Variants in SNTG1 observed in about 807,000 individuals in gnomAD.
The protein encoded by SNTG1 is gamma-1-syntrophin.
A neutral mutation model predicts 74.7 loss-of-function variants in SNTG1; 39 were observed. The observed-to-expected ratio is 0.52, with a 90% CI of 0.40 to 0.68. The LOEUF (loss-of-function observed/expected upper bound fraction) is 0.68, where lower values mean the gene tolerates loss of function less well. SNTG1 is among the 30% of genes least tolerant of loss of function. The pLI is 0.00. For synonymous variants in SNTG1, 254 were observed against 217.1 expected, an observed-to-expected ratio of 1.17 and a Z score of -1.49; for missense variants, 685 against 609.5, an observed-to-expected ratio of 1.12 and a Z score of -1.30.
chr8:50,315,825 C>T (rs1219423231), intron 2 of SNTG1, among the ~76,000 whole-genome samples: 1 of 152,132 alleles, frequency 6.6e-6, no homozygotes, highest in Non-Finnish European at 1.5e-5. Flanking sequence ...GCACTGCAAT[C>T]AAGCACAATT....
At position 50,677,413 on chromosome 8, in the gene SNTG1, C is replaced by T. The variant is rs527428171; in HGVS notation, c.1038+18750C>T. ...ATGGACACCCATAACATAACATATC[C>T]TTAATGTAAGAAAAAAGCTAGAAAA... On this transcript the variant is annotated intron_variant, in intron 15 of 18. Coordinates refer to ENST00000642720, the MANE Select transcript of SNTG1 (RefSeq NM_018967.5). 1.4e-3 allele frequency among the ~76,000 whole-genome samples: 207 copies of T among 151,850 alleles called. 1 individual carries two copies. The highest frequency in any genetic ancestry group is 0.014 in the Middle Eastern group (4 of 294).
intron 18 of SNTG1, among the ~76,000 whole-genome samples, chr8:50,765,616 T>C (rs1023221294): frequency 3.3e-5 from 5 of 151,992 alleles, no homozygotes; most frequent in Non-Finnish European, 7.4e-5. Flanking sequence ...TAGTACTATG[T>C]TTATTTTTAA....
At position 50,089,312 on chromosome 8, in the gene SNTG1, A is replaced by T. The variant is rs1440960195; in HGVS notation, c.-102-83249A>T. Among the ~76,000 whole-genome samples, 101 of 151,756 alleles carry T rather than the reference A, an allele frequency of 6.7e-4. 1 individual carries two copies. The East Asian group carries it at 0.019, about 29-fold the overall frequency. On this transcript the variant is annotated intron_variant, in intron 1 of 18. Transcript: ENST00000642720. ...TAAAACCATAAAAACCCTAGAAGAA[A>T]ACCTAGGCATTACCATTCAGGACAT...
intron 1 of SNTG1, among the ~76,000 whole-genome samples, chr8:50,057,227 C>T (rs1423658218): frequency 6.6e-6 from 1 of 151,930 alleles, no homozygotes; most frequent in Admixed American, 6.6e-5. Flanking sequence ...TTGTCATATG[C>T]GTTCATCTTT....
At chr8:50,068,381 A>G (rs962062936) in intron 1 of SNTG1, among the ~76,000 whole-genome samples, 7 of 152,268 alleles carry the variant, frequency 4.6e-5, no homozygotes, top group African/African-American at 1.4e-4. Flanking sequence ...GAGTCAAACC[A>G]CAGTAGTCAC....
intron 8 of SNTG1, among the ~76,000 whole-genome samples, chr8:50,461,461 G>C (rs144138460): frequency 7.8e-4 from 118 of 151,924 alleles, no homozygotes; most frequent in African/African-American, 2.8e-3. Context: ...ACTGTGTGAG[G>C]GCAGGCTATC....
At chr8:50,385,618 T>C (rs2092561865) in intron 2 of SNTG1, among the ~76,000 whole-genome samples, 1 of 152,202 alleles carries the variant, frequency 6.6e-6, no homozygotes, top group African/African-American at 2.4e-5. Flanking sequence ...AAAATCCTTG[T>C]GAGCTATTGA....
At chr8:50,737,730 C>T (rs954530767) in intron 17 of SNTG1, among the ~76,000 whole-genome samples, 1 of 152,126 alleles carries the variant, frequency 6.6e-6, no homozygotes, top group African/African-American at 2.4e-5. Flanking sequence ...TCGGCTTCAT[C>T]CCTGGGACAT....
intron 11 of SNTG1, among the ~76,000 whole-genome samples, chr8:50,546,819 C>T (rs1227892140): frequency 2.0e-5 from 3 of 151,992 alleles, no homozygotes; most frequent in Admixed American, 6.6e-5. Context: ...TCTCACTCTG[C>T]CACCCAGGCT....
chr8:49,963,191 A>T (rs2129767541), intron 1 of SNTG1, among the ~76,000 whole-genome samples: 1 of 152,320 alleles, frequency 6.6e-6, no homozygotes, highest in South Asian at 2.1e-4. Context: ...ATCCTTAATC[A>T]TACCACCTCC....
intron 1 of SNTG1, among the ~76,000 whole-genome samples, chr8:49,951,336 A>G (rs73569338): frequency 0.011 from 1,660 of 152,352 alleles, 32 homozygotes; most frequent in African/African-American, 0.037. Context: ...ATTTGGTTAC[A>G]ATATCTAAAT....
intron 4 of SNTG1, among the ~76,000 whole-genome samples, chr8:50,419,251 C>T (rs529975929): frequency 6.6e-6 from 1 of 152,218 alleles, no homozygotes; most frequent in Admixed American, 6.5e-5. Flanking sequence ...AAAATAAATG[C>T]TCTACTCTAC....
intron 4 of SNTG1, among the ~76,000 whole-genome samples, chr8:50,436,065 T>G (rs1243768682): frequency 6.6e-6 from 1 of 152,152 alleles, no homozygotes; most frequent in Non-Finnish European, 1.5e-5. Context: ...GGCCAATTAT[T>G]GCTAGGCAAA....
chr8:50,570,448 G>C (rs536204543), intron 12 of SNTG1, among the ~76,000 whole-genome samples: 5 of 148,410 alleles, frequency 3.4e-5, no homozygotes, highest in African/African-American at 1.2e-4. Context: ...TGGCAGAGAC[G>C]GGGTTTCACC....
intron 13 of SNTG1, among the ~76,000 whole-genome samples, chr8:50,642,325 C>A (rs1257665817): frequency 6.6e-6 from 1 of 152,114 alleles, no homozygotes; most frequent in African/African-American, 2.4e-5. Flanking sequence ...CTTCTTGCTT[C>A]TTTTCTTTCT....
chr8:50,270,737 C>T (rs74810822), intron 2 of SNTG1, among the ~76,000 whole-genome samples: 9,771 of 152,124 alleles, frequency 0.064, 351 homozygotes, highest in South Asian at 0.077. Context: ...TGAAGACAAA[C>T]ATGAGATAAA....
chr8:50,018,115 C>G (rs758386088), intron 1 of SNTG1, among the ~76,000 whole-genome samples: 1 of 151,994 alleles, frequency 6.6e-6, no homozygotes, highest in African/African-American at 2.4e-5. Context: ...ACAGATCCTA[C>G]ATAATCCCTG....
chr8:50,647,561 T>G (rs1253703062), intron 13 of SNTG1, among the ~76,000 whole-genome samples: 1 of 152,088 alleles, frequency 6.6e-6, no homozygotes, highest in Non-Finnish European at 1.5e-5. Context: ...AAGAGGTAGA[T>G]GGGAGCTCTG....
intron 2 of SNTG1, among the ~76,000 whole-genome samples, chr8:50,256,257 G>C (rs571450493): frequency 6.6e-6 from 1 of 151,932 alleles, no homozygotes; most frequent in South Asian, 2.1e-4. Flanking sequence ...GCCCATAAAA[G>C]TGTATACCAC....
Sources: allele counts gnomAD v4.1 joint callset (sites outside exome capture counted in the v4.1 genomes callset), GRCh38; gene constraint gnomAD v4.1.1; transcripts MANE v1.5; gene names NCBI Gene and HGNC (gene_info 2026-07-23, HGNC 2026-07-21).